Variants in LRIG1 observed in about 807,000 individuals in gnomAD.
LRIG1 encodes the protein leucine rich repeats and immunoglobulin like domains 1.
In LRIG1, 48 loss-of-function variants were observed where a neutral mutation model predicts 99.2. The ratio of observed to expected loss-of-function variants is 0.48; its 90% CI spans 0.38 to 0.62. The LOEUF (loss-of-function observed/expected upper bound fraction) is 0.62, where lower values mean the gene tolerates loss of function less well. Ranked by LOEUF, LRIG1 falls within the 20% of genes least tolerant of loss-of-function variation. The probability of loss-of-function intolerance (pLI) is 0.00; values close to 1 mark genes in which losing one functional copy is unlikely to be tolerated. For synonymous variants in LRIG1, 772 were observed against 596.1 expected (o/e 1.29, Z -4.30); for missense variants, 1,646 against 1,434.4 (o/e 1.15, Z -2.38).
chr3:66,380,511 G>C, intron 18 of LRIG1, 22 bp from the exon 19 acceptor site: 1 of 1,613,936 alleles, frequency 6.2e-7, no homozygotes, highest in Non-Finnish European at 8.5e-7. Flanking sequence ...GAACGAACCT[G>C]TCAGACCCCC....
chr3:66,498,561 A>G (rs1448585966), intron 1 of LRIG1, among the ~76,000 whole-genome samples: 2 of 142,454 alleles, frequency 1.4e-5, no homozygotes, highest in Non-Finnish European at 3.0e-5. Flanking sequence ...ACATGATTCT[A>G]TTTAAAAAAA....
chr3:66,412,170 C>G lies in LRIG1; in HGVS notation c.791+701G>C, dbSNP rs147426257. ...TGAAGAGACTGCTCCCTTGATAAAA[C>G]TTAAACATCTGCACCCAGTGTCTTG... On this transcript the variant is annotated intron_variant, in intron 6 of 18. Transcript: ENST00000273261. Among the ~76,000 whole-genome samples the G allele has an allele frequency of 9.1e-3, 1,384 of 152,346 alleles. 22 individuals carry two copies. Among genetic ancestry groups the G allele is most frequent in the African/African-American group, 0.027 (1,107 of 41,590 alleles).
intron 3 of LRIG1, among the ~76,000 whole-genome samples, chr3:66,432,308 T>C (rs961355305): frequency 9.2e-5 from 14 of 152,236 alleles, no homozygotes; most frequent in Admixed American, 9.2e-4. Context: ...GCCCTGGTGC[T>C]TCTGCGGCCT....
At chr3:66,464,929 A>G (rs1397178416) in intron 1 of LRIG1, among the ~76,000 whole-genome samples, 1 of 152,234 alleles carries the variant, frequency 6.6e-6, no homozygotes, top group African/African-American at 2.4e-5. Context: ...TACTATCTAG[A>G]AGCCTAGCAG....
At chr3:66,407,808 C>T (rs1266268507) in intron 7 of LRIG1, among the ~76,000 whole-genome samples, 5 of 152,240 alleles carry the variant, frequency 3.3e-5, no homozygotes, top group Non-Finnish European at 7.3e-5. Flanking sequence ...CAAGCTCCAG[C>T]GCCTTCATGC....
intron 3 of LRIG1, among the ~76,000 whole-genome samples, chr3:66,438,998 G>A (rs955019313): frequency 2.6e-5 from 4 of 152,226 alleles, no homozygotes; most frequent in Non-Finnish European, 5.9e-5. Context: ...GTGAAGACAG[G>A]CACTGGGCTC....
chr3:66,391,766 T>C (rs997098911), intron 12 of LRIG1, among the ~76,000 whole-genome samples: 5 of 152,236 alleles, frequency 3.3e-5, no homozygotes, highest in Admixed American at 2.0e-4. Flanking sequence ...TTTTATGATA[T>C]ATAAATTATA....
chr3:66,380,868 G>C lies in LRIG1; in HGVS notation c.2771-7C>G, dbSNP rs754735785. 1.9e-6 allele frequency: 3 copies of C among 1,612,912 alleles called. No individual in the cohort carries two copies. The highest frequency in any genetic ancestry group is 2.5e-6 in the Non-Finnish European group (3 of 1,179,060). On this transcript the variant is annotated splice_polypyrimidine_tract_variant and splice_region_variant and intron_variant, in intron 17 of 18. Transcript: ENST00000273261. ...ACGACCCGGCCACCGTGTTCTGAAGGACAGCGCCAAAGATGGGTTAGAGTC... is the reference window on the plus strand; with the variant it reads ...ACGACCCGGCCACCGTGTTCTGAAGCACAGCGCCAAAGATGGGTTAGAGTC...
intron 2 of LRIG1, among the ~76,000 whole-genome samples, chr3:66,460,634 C>T (rs1700334894): frequency 6.6e-6 from 1 of 152,204 alleles, no homozygotes; most frequent in Admixed American, 6.5e-5. Flanking sequence ...CCTGCCAGTA[C>T]CTTGATCTTG....
At chr3:66,384,847 G>T (rs1701288373) in intron 13 of LRIG1, among the ~76,000 whole-genome samples, 1 of 152,140 alleles carries the variant, frequency 6.6e-6, no homozygotes, top group Non-Finnish European at 1.5e-5. Flanking sequence ...TGACAGAGTG[G>T]GACGCATCCA....
At chr3:66,499,367 T>G (rs548510502) in intron 1 of LRIG1, among the ~76,000 whole-genome samples, 11 of 152,300 alleles carry the variant, frequency 7.2e-5, no homozygotes, top group African/African-American at 2.4e-4. Context: ...GAAGCAGCAC[T>G]TCTCCAAAAC....
intron 1 of LRIG1, among the ~76,000 whole-genome samples, chr3:66,473,628 A>T (rs1200703955): frequency 6.6e-6 from 1 of 152,272 alleles, no homozygotes; most frequent in Non-Finnish European, 1.5e-5. Flanking sequence ...AATGCAGATC[A>T]TACAAATACA....
chr3:66,479,954 T>G (rs1700810410), intron 1 of LRIG1, among the ~76,000 whole-genome samples: 1 of 152,224 alleles, frequency 6.6e-6, no homozygotes, highest in African/African-American at 2.4e-5. Flanking sequence ...CCTCGGTATA[T>G]GCCCGAGGTA....
Position 66,380,561 on chromosome 3 carries a change from G to A in LRIG1, c.3055+16C>T. 6.2e-7 allele frequency: 1 copy of A among 1,613,382 alleles called. No homozygotes were observed. The highest frequency in any genetic ancestry group is 8.5e-7 in the Non-Finnish European group (1 of 1,179,390). ...GCAGCTCCCAACCCACCTGTTAGAAGACAGTCAAAAGTTACCTTTCCCATC... is the reference window on the plus strand; with the variant it reads ...GCAGCTCCCAACCCACCTGTTAGAAAACAGTCAAAAGTTACCTTTCCCATC... On this transcript the variant is annotated intron_variant, in intron 18 of 18. Transcript: ENST00000273261.
At chr3:66,404,305 G>A (rs1702183022) in intron 9 of LRIG1, 1 of 1,289,190 alleles carries the variant, frequency 7.8e-7, no homozygotes, top group Non-Finnish European at 1.0e-6. Context: ...GCACTCTGCT[G>A]AGCTCCCCGT....
At position 66,419,638 on chromosome 3, in the gene LRIG1, G is replaced by A. The variant is rs567364033; in HGVS notation, c.366-2372C>T. On this transcript the variant is annotated intron_variant, in intron 3 of 18. Coordinates refer to ENST00000273261, the MANE Select transcript of LRIG1 (RefSeq NM_015541.3). ...GCAGGACCACAACAGCAAATGCCTC[G>A]CAGCCCAAGCTAACAAGTTGGGAAT... Among the ~76,000 whole-genome samples, 51 of 152,224 alleles carry A rather than the reference G, an allele frequency of 3.4e-4. 1 individual carries two copies. The highest frequency in any genetic ancestry group is 1.1e-3 in the African/African-American group (44 of 41,532).
At chr3:66,429,122 T>C (rs946825689) in intron 3 of LRIG1, among the ~76,000 whole-genome samples, 3 of 152,114 alleles carry the variant, frequency 2.0e-5, no homozygotes, top group Admixed American at 6.5e-5. Flanking sequence ...CCCCTTTGGG[T>C]CTTCAACAAA....
At chr3:66,474,188 G>A (rs537549992) in intron 1 of LRIG1, among the ~76,000 whole-genome samples, 178 of 152,198 alleles carry the variant, frequency 1.2e-3, no homozygotes, top group African/African-American at 4.0e-3. Flanking sequence ...TGCTGCATGC[G>A]ACCTCCATCC....
At chr3:66,429,902 T>C (rs1233616620) in intron 3 of LRIG1, among the ~76,000 whole-genome samples, 1 of 151,354 alleles carries the variant, frequency 6.6e-6, no homozygotes, top group African/African-American at 2.5e-5. Flanking sequence ...TAAAAGTCCA[T>C]TAATTAAAAA....
Sources: allele counts gnomAD v4.1 joint callset (sites outside exome capture counted in the v4.1 genomes callset), GRCh38; gene constraint gnomAD v4.1.1; transcripts MANE v1.5; gene names NCBI Gene and HGNC (gene_info 2026-07-23, HGNC 2026-07-21).